The following ZMYND8 variants were observed in gnomAD, a reference collection of about 807,000 sequenced individuals.
The protein encoded by ZMYND8 is MYND-type zinc finger-containing chromatin reader ZMYND8.
Under a neutral mutation model 140.8 loss-of-function variants are expected in ZMYND8, and 37 were observed. The ratio of observed to expected loss-of-function variants is 0.26; its 90% CI spans 0.20 to 0.35. The LOEUF (loss-of-function observed/expected upper bound fraction) is 0.35, where lower values mean the gene tolerates loss of function less well. Ranked by LOEUF, ZMYND8 falls within the 10% of genes least tolerant of loss-of-function variation. ZMYND8 has a pLI of 1.00. For missense variants in ZMYND8, 1,068 were observed against 1,570.0 expected (o/e 0.68, Z 5.40); for synonymous variants, 592 against 597.1 (o/e 0.99, Z 0.12).
At chr20:47,309,579 T>C (rs1157888062) in intron 3 of ZMYND8, among the ~76,000 whole-genome samples, 1 of 151,678 alleles carries the variant, frequency 6.6e-6, no homozygotes, top group Non-Finnish European at 1.5e-5. Flanking sequence ...AGTGCTGGGG[T>C]TACAGGCATG....
intron 13 of ZMYND8, among the ~76,000 whole-genome samples, chr20:47,247,007 A>T (rs1391938547): frequency 6.6e-6 from 1 of 152,176 alleles, no homozygotes; most frequent in African/African-American, 2.4e-5. Context: ...CCAAAGGGTT[A>T]AAGTTCTTGA....
intron 11 of ZMYND8, among the ~76,000 whole-genome samples, chr20:47,270,883 C>G (rs1282993903): frequency 6.6e-6 from 1 of 151,850 alleles, no homozygotes; most frequent in Non-Finnish European, 1.5e-5. Context: ...CGAGACCATC[C>G]TGGCTAACAT....
intron 13 of ZMYND8, among the ~76,000 whole-genome samples, chr20:47,248,846 G>C (rs2073938701): frequency 1.3e-5 from 2 of 152,342 alleles, no homozygotes; most frequent in East Asian, 1.9e-4. Context: ...ACAGGGAAGA[G>C]GAAGAAAGGC....
At position 47,263,480 on chromosome 20, in the gene ZMYND8, C is replaced by T. The variant is rs560728281; in HGVS notation, c.1481-1052G>A. On this transcript the variant is annotated intron_variant, in intron 11 of 22. Coordinates refer to ENST00000471951, the MANE Select transcript of ZMYND8 (RefSeq NM_001281775.3). ...ACAAATTAGAAAACTCAGAACAAGG[C>T]TTCAGTGTGTTGAAACTCACATACC... 1.2e-4 allele frequency among the ~76,000 whole-genome samples: 19 copies of T among 152,350 alleles called. No homozygotes were observed. The South Asian group carries it at 3.7e-3, about 30-fold the overall frequency.
chr20:47,241,109 C>A (rs1202745815), intron 14 of ZMYND8, among the ~76,000 whole-genome samples: 1 of 151,822 alleles, frequency 6.6e-6, no homozygotes, highest in Non-Finnish European at 1.5e-5. Context: ...GTCTGGCCAA[C>A]ATGGTGAAAC....
At chr20:47,348,052 G>T (rs546540497) in intron 1 of ZMYND8, 126 bp from the exon 2 acceptor site, 3 of 911,876 alleles carry the variant, frequency 3.3e-6, no homozygotes, top group Admixed American at 1.9e-5. Flanking sequence ...CCAGGGCTGG[G>T]GGAGGAAACC....
chr20:47,275,209 G>C (rs1267659236), intron 11 of ZMYND8, among the ~76,000 whole-genome samples: 1 of 152,176 alleles, frequency 6.6e-6, no homozygotes, highest in Non-Finnish European at 1.5e-5. Context: ...CTCAGACTTT[G>C]GGCCAGGCCC....
rs2040540018 is a variant in ZMYND8 at position 47,246,152 on chromosome 20, C to A, written c.2140G>T (p.Asp714Tyr). Reference sequence around the variant, plus strand: ...TGGACTGTTGGGGAATCCGTCTCATCTTTTCCCTTCAGTTTATCCTTTATG... The same window carrying A: ...TGGACTGTTGGGGAATCCGTCTCATATTTTCCCTTCAGTTTATCCTTTATG... The part of the protein sequence containing the change: ...HPIKDKLKGK[D>Y]ETDSPTVHLG... The change falls in exon 14 of 23, where the codon GAT becomes TAT. Residue 714 changes from aspartate to tyrosine, a missense_variant. Asp to Tyr is a radical substitution (Grantham distance 160). This residue lies in a region of ZMYND8 where 383 missense variants were observed against 431.2 expected (regional missense o/e 0.89). Coordinates refer to ENST00000471951, the MANE Select transcript of ZMYND8 (RefSeq NM_001281775.3). 2 of 1,614,074 alleles carry A rather than the reference C, an allele frequency of 1.2e-6. No individual in the cohort carries two copies. The highest frequency in any genetic ancestry group is 2.7e-5 in the African/African-American group (2 of 74,930).
At chr20:47,305,856 A>G (rs2078441337) in intron 3 of ZMYND8, among the ~76,000 whole-genome samples, 1 of 152,198 alleles carries the variant, frequency 6.6e-6, no homozygotes, top group Non-Finnish European at 1.5e-5. Flanking sequence ...ACTAAAGAGC[A>G]GAGTGGTATT....
intron 12 of ZMYND8, among the ~76,000 whole-genome samples, chr20:47,249,887 C>T (rs978952052): frequency 2.6e-5 from 4 of 151,342 alleles, no homozygotes; most frequent in African/African-American, 9.7e-5. Flanking sequence ...GCGACCCCCT[C>T]GAAAACACCC....
intron 2 of ZMYND8, among the ~76,000 whole-genome samples, chr20:47,342,552 A>G (rs1002779238): frequency 7.5e-6 from 1 of 132,492 alleles, no homozygotes; most frequent in Non-Finnish European, 1.6e-5. Context: ...TGTCTCAAAG[A>G]AAAAAAAAAA....
At chr20:47,337,330 G>A (rs2081465303) in intron 2 of ZMYND8, among the ~76,000 whole-genome samples, 1 of 151,922 alleles carries the variant, frequency 6.6e-6, no homozygotes, top group African/African-American at 2.4e-5. Flanking sequence ...GGGTGATGGA[G>A]GGAGACTCTG....
At chr20:47,282,004 T>G in intron 10 of ZMYND8, 98 bp downstream of exon 10, 64 of 990,388 alleles carry the variant, frequency 6.5e-5, no homozygotes, top group Non-Finnish European at 8.9e-5. Flanking sequence ...ATGACAATAA[T>G]GAGAATAATA....
intron 1 of ZMYND8, chr20:47,351,868 C>G (rs912411670): frequency 1.0e-6 from 1 of 985,310 alleles, no homozygotes; most frequent in Non-Finnish European, 1.2e-6. Context: ...TTCAAAGCCA[C>G]CTTCCTAAAT....
At chr20:47,265,112 A>G (rs975148937) in intron 11 of ZMYND8, among the ~76,000 whole-genome samples, 1 of 150,890 alleles carries the variant, frequency 6.6e-6, no homozygotes, top group African/African-American at 2.4e-5. Context: ...TTAGCATTAG[A>G]ATTTTTAACC....
intron 12 of ZMYND8, among the ~76,000 whole-genome samples, chr20:47,257,219 C>G (rs1171993059): frequency 6.6e-6 from 1 of 152,026 alleles, no homozygotes; most frequent in Non-Finnish European, 1.5e-5. Flanking sequence ...AGAACCAGGT[C>G]TCTGTACAAA....
intron 3 of ZMYND8, among the ~76,000 whole-genome samples, chr20:47,304,174 G>C (rs773483016): frequency 1.3e-5 from 2 of 152,168 alleles, no homozygotes; most frequent in Admixed American, 6.5e-5. Flanking sequence ...TGGAATATTT[G>C]CAGGTTATTA....
chr20:47,246,558 A>C, intron 13 of ZMYND8, 41 bp from the exon 14 acceptor site: 1 of 1,529,502 alleles, frequency 6.5e-7, no homozygotes, highest in Non-Finnish European at 8.7e-7. Flanking sequence ...CGTAGTCACA[A>C]AATAAAGAGC....
At chr20:47,281,563 C>T (rs977780541) in intron 10 of ZMYND8, among the ~76,000 whole-genome samples, 14 of 151,964 alleles carry the variant, frequency 9.2e-5, no homozygotes, top group Admixed American at 2.0e-4. Flanking sequence ...CTGCCGTGTA[C>T]GGAGGGAAAG....
Sources: allele counts gnomAD v4.1 joint callset (sites outside exome capture counted in the v4.1 genomes callset), GRCh38; gene constraint gnomAD v4.1.1; regional missense constraint gnomAD v4.1.1; transcripts MANE v1.5; gene names NCBI Gene and HGNC (gene_info 2026-07-23, HGNC 2026-07-21).